Variants in PDK2 observed in about 807,000 individuals in gnomAD.
The protein encoded by PDK2 is pyruvate dehydrogenase kinase 2.
A neutral mutation model predicts 50.4 loss-of-function variants in PDK2; 34 were observed. The observed-to-expected ratio is 0.68, with a 90% CI of 0.51 to 0.90. The LOEUF is 0.90. PDK2 is among the 40% of genes least tolerant of loss of function. The pLI, the probability that PDK2 is intolerant of heterozygous loss-of-function variation, is 0.00. For missense variants in PDK2, 377 were observed against 544.5 expected (o/e 0.69, Z 3.06); for synonymous variants, 232 against 216.0 (o/e 1.07, Z -0.65).
At chr17:50,104,757 A>G (rs1012316455) in intron 2 of PDK2, among the ~76,000 whole-genome samples, 1 of 151,958 alleles carries the variant, frequency 6.6e-6, no homozygotes, top group Admixed American at 6.6e-5. Context: ...CGCCCACCCC[A>G]CCTTTGGGTC....
At chr17:50,097,304 C>T (rs1231847975) in intron 1 of PDK2, 119 bp from the exon 2 acceptor site, 37 of 992,940 alleles carry the variant, frequency 3.7e-5, no homozygotes, top group South Asian at 6.1e-5. Flanking sequence ...CTGTGTGCCC[C>T]GGGCAGGTCA....
In PDK2 at chr17:50,098,527, A is replaced by G. The variant is rs560667259; in HGVS notation, c.260+963A>G. On this transcript the variant is annotated intron_variant, in intron 2 of 10. Transcript: ENST00000503176. ...GGAATCCAAACATTATTTTAAAAGA[A>G]CACTGATATTTTTCCCTCATTGTGG... 4 of 152,344 alleles carry G rather than the reference A, an allele frequency of 2.6e-5. No homozygotes were observed. In the South Asian group the frequency reaches 8.3e-4, roughly 32 times the overall value. 9.4% of individuals were successfully genotyped at this position (152,344 alleles called of 1,614,324 possible).
At chr17:50,100,240 A>G (rs1910156280) in intron 2 of PDK2, among the ~76,000 whole-genome samples, 1 of 152,230 alleles carries the variant, frequency 6.6e-6, no homozygotes, top group Non-Finnish European at 1.5e-5. Context: ...GAGAGGTTCT[A>G]GGCAGAGTCA....
At chr17:50,097,302 C>A in intron 1 of PDK2, 121 bp from the exon 2 acceptor site, 1 of 968,330 alleles carries the variant, frequency 1.0e-6, no homozygotes, top group Non-Finnish European at 1.6e-6. Context: ...TGCTGTGTGC[C>A]CCGGGCAGGT....
intron 2 of PDK2, chr17:50,098,794 G>A (rs1008413893): frequency 6.6e-6 from 1 of 152,216 alleles, no homozygotes; most frequent in Non-Finnish European, 1.5e-5. Context: ...CACCATGAAT[G>A]TTTGTTGAAT....
At chr17:50,102,860 G>T (rs9914013) in intron 2 of PDK2, among the ~76,000 whole-genome samples, 1 of 152,050 alleles carries the variant, frequency 6.6e-6, no homozygotes, top group African/African-American at 2.4e-5. Context: ...CATCAGCAGC[G>T]GCATCACCGT....
At position 50,107,735 on chromosome 17, in the gene PDK2, C is replaced by A. The variant is rs2144371139; in HGVS notation, c.686-421C>A. ...GTAAATAAACAAGACCATCTCAGAT[C>A]ATGACAAGTGATGGGAAGGAAATAA... On this transcript the variant is annotated intron_variant, in intron 6 of 10. Coordinates refer to ENST00000503176, the MANE Select transcript of PDK2 (RefSeq NM_002611.5). 1.3e-5 allele frequency among the ~76,000 whole-genome samples: 2 copies of A among 152,272 alleles called. 1 individual carries two copies. The highest frequency in any genetic ancestry group is 6.8e-3 in the Middle Eastern group (2 of 294).
At chr17:50,095,622 A>AG in intron 1 of PDK2, 69 bp downstream of exon 1, 1 of 1,493,598 alleles carries the variant, frequency 6.7e-7, no homozygotes. Flanking sequence ...GCCGGGGGCT[A>AG]GGGGGACGGA....
chr17:50,110,131 C>T lies in PDK2; in HGVS notation c.*34C>T. On this transcript the variant is annotated 3_prime_UTR_variant, in exon 11 of 11. Transcript: ENST00000503176. ...GTGCATCTGCACCTGAGAGGACGGA[C>T]TGCCGCCTCTGGGTCCCCCCACCGT... is the stretch of plus-strand genomic sequence containing the variant. 38 of 1,549,600 alleles carry T rather than the reference C, an allele frequency of 2.5e-5. No homozygotes were observed. Among genetic ancestry groups the T allele is most frequent in the Non-Finnish European group, 3.3e-5 (38 of 1,142,372 alleles).
chr17:50,104,944 G>A (rs1166155886), intron 2 of PDK2, among the ~76,000 whole-genome samples: 1 of 152,196 alleles, frequency 6.6e-6, no homozygotes, highest in Non-Finnish European at 1.5e-5. Flanking sequence ...CACCCCGGCG[G>A]GGAGAAACAT....
At chr17:50,103,179 TGAGA>T (rs1173843483) in intron 2 of PDK2, among the ~76,000 whole-genome samples, 3 of 152,100 alleles carry the variant, frequency 2.0e-5, no homozygotes, top group Non-Finnish European at 4.4e-5. Context: ...TGATGGGGGC[TGAGA>T]GAAAGGCTGA....
intron 1 of PDK2, 38 bp from the exon 2 acceptor site, chr17:50,097,385 T>C: frequency 6.2e-7 from 1 of 1,608,862 alleles, no homozygotes; most frequent in Non-Finnish European, 8.5e-7. Flanking sequence ...GCTTTCATAG[T>C]CTGTGGCTCT....
At chr17:50,095,855 GGTGGTATCCAGACGC>G in intron 1 of PDK2, 1 of 1,046,460 alleles carries the variant, frequency 9.6e-7, no homozygotes. Context: ...AAGGGAGTAG[GGTGGTATCCAGACGC>G]GAAAGGGTTA....
At chr17:50,107,891 G>A (rs1043835234) in intron 6 of PDK2, 4 of 509,550 alleles carry the variant, frequency 7.9e-6, no homozygotes, top group Non-Finnish European at 7.1e-6. Context: ...CCCCTTGCTG[G>A]ACAGGTCAGG....
At position 50,105,371 on chromosome 17, in the gene PDK2, G is replaced by A. The variant is rs1198613272; in HGVS notation, c.261G>A (p.Trp87Ter). 6.2e-7 allele frequency: 1 copy of A among 1,608,878 alleles called. No individual in the cohort carries two copies. The highest frequency in any genetic ancestry group is 1.3e-5 in the African/African-American group (1 of 74,750). Reference sequence around the variant, plus strand: ...TGTGTCCCCTCCCGCCCCCACACAGGTATGTCCAGAGCCTCCTGGACATCA... The same window carrying A: ...TGTGTCCCCTCCCGCCCCCACACAGATATGTCCAGAGCCTCCTGGACATCA... ...STPSVQLVQS[W>*]YVQSLLDIME... The change falls in exon 3 of 11, where the codon TGG becomes TGA. Residue 87 changes from tryptophan (W) to a stop codon, truncating the protein, a stop_gained and splice_region_variant. Coordinates refer to ENST00000503176, the MANE Select transcript of PDK2 (RefSeq NM_002611.5). LOFTEE classifies it high-confidence loss of function.
chr17:50,103,332 G>A (rs575455159), intron 2 of PDK2, among the ~76,000 whole-genome samples: 1 of 152,194 alleles, frequency 6.6e-6, no homozygotes, highest in African/African-American at 2.4e-5. Flanking sequence ...CAGTGGGGCA[G>A]GTCTCCAGGG....
intron 6 of PDK2, among the ~76,000 whole-genome samples, chr17:50,107,595 T>A (rs980081903): frequency 3.3e-5 from 5 of 151,910 alleles, no homozygotes; most frequent in Admixed American, 1.3e-4. Flanking sequence ...AAATAAGAAA[T>A]TGAGTGAATG....
In PDK2 at chr17:50,111,444, C is replaced by G. The variant is rs1028597015; in HGVS notation, c.*1347C>G. The G allele has an allele frequency of 2.0e-5, 3 of 152,286 alleles. No homozygotes were observed. The highest frequency in any genetic ancestry group is 7.2e-5 in the African/African-American group (3 of 41,446). 9.4% of individuals were successfully genotyped at this position (152,286 alleles called of 1,614,324 possible). ...TGCCTTCCAACCTCCCATGGCCCTGCCACCAGGCCCAGATGGTGCCAGTGT... is the reference window on the plus strand; with the variant it reads ...TGCCTTCCAACCTCCCATGGCCCTGGCACCAGGCCCAGATGGTGCCAGTGT... On this transcript the variant is annotated 3_prime_UTR_variant, in exon 11 of 11. Transcript: ENST00000503176.
intron 8 of PDK2, 45 bp downstream of exon 8, chr17:50,108,462 G>T: frequency 6.7e-7 from 1 of 1,498,910 alleles, no homozygotes; most frequent in South Asian, 1.1e-5. Context: ...AGTAGTGGGG[G>T]CTTCCCTCCT....
Sources: allele counts gnomAD v4.1 joint callset (sites outside exome capture counted in the v4.1 genomes callset), GRCh38; gene constraint gnomAD v4.1.1; transcripts MANE v1.5; gene names NCBI Gene and HGNC (gene_info 2026-07-23, HGNC 2026-07-21).